ALOX5: variants seen among roughly 807,000 people sequenced by gnomAD.
ALOX5 encodes the protein polyunsaturated fatty acid 5-lipoxygenase.
In ALOX5, 64 loss-of-function variants were observed where a neutral mutation model predicts 87.9. That is an observed-to-expected ratio of 0.73 (90% CI 0.60 to 0.90). The LOEUF (loss-of-function observed/expected upper bound fraction) is 0.90, where lower values mean the gene tolerates loss of function less well. Among genes scored for constraint, ALOX5 ranks in the 40% least tolerant of loss-of-function variants. ALOX5 has a pLI of 0.00. For missense variants in ALOX5, 822 were observed against 907.5 expected (o/e 0.91, Z 1.21); for synonymous variants, 388 against 355.1 (o/e 1.09, Z -1.04).
At chr10:45,445,487 T>C in intron 13 of ALOX5, 21 bp from the exon 14 acceptor site, 1 of 1,607,926 alleles carries the variant, frequency 6.2e-7, no homozygotes, top group South Asian at 1.1e-5. Flanking sequence ...CCTATGTGTG[T>C]GTCCATGTCT....
chr10:45,441,564 C>T (rs1842236245), intron 9 of ALOX5, 134 bp downstream of exon 9: 2 of 830,758 alleles, frequency 2.4e-6, no homozygotes, highest in Non-Finnish European at 3.8e-6. Flanking sequence ...GCACTGGCTC[C>T]AGCATCCTCC....
chr10:45,388,529 C>G (rs974040357), intron 2 of ALOX5, among the ~76,000 whole-genome samples: 1 of 152,264 alleles, frequency 6.6e-6, no homozygotes, highest in Non-Finnish European at 1.5e-5. Context: ...ATTTGCTGTT[C>G]AGCAATATTC....
chr10:45,380,973 C>T (rs911054532), intron 1 of ALOX5, among the ~76,000 whole-genome samples: 25 of 152,338 alleles, frequency 1.6e-4, no homozygotes, highest in Middle Eastern at 6.8e-3. Flanking sequence ...TGGAGGGCAT[C>T]GAGTCCGGGG....
Position 45,428,754 on chromosome 10 carries a change from TTGCCATCCAGGTAGGC to T in ALOX5, c.975_981+9del. On this transcript the variant is annotated splice_donor_variant and splice_donor_5th_base_variant and coding_sequence_variant and intron_variant, in exon 7 of 14. Coordinates refer to ENST00000374391, the MANE Select transcript of ALOX5 (RefSeq NM_000698.5). LOFTEE classifies it high-confidence loss of function. ...AACCTGGCCAACAAGATTGTCCCCA[TTGCCATCCAGGTAGGC>T]TGCTGGGGGGCACACCTTTCTGAGC... is the stretch of plus-strand genomic sequence containing the variant. The T allele has an allele frequency of 6.2e-7, 1 of 1,613,914 alleles. No individual in the cohort carries two copies.
At chr10:45,383,400 C>T (rs1839909112) in intron 2 of ALOX5, among the ~76,000 whole-genome samples, 1 of 152,260 alleles carries the variant, frequency 6.6e-6, no homozygotes, top group African/African-American at 2.4e-5. Flanking sequence ...AACCACCTTG[C>T]ATACCCAGCC....
intron 7 of ALOX5, among the ~76,000 whole-genome samples, chr10:45,431,548 G>GTTATTTATTTAT (rs34431757): frequency 4.0e-5 from 6 of 148,456 alleles, no homozygotes; most frequent in Non-Finnish European, 8.9e-5. Flanking sequence ...AAACTATAAA[G>GTTATTTATTTAT]TTATTTATTT....
chr10:45,389,424 T>G (rs1236867560), intron 2 of ALOX5, among the ~76,000 whole-genome samples: 1 of 151,866 alleles, frequency 6.6e-6, no homozygotes, highest in Admixed American at 6.6e-5. Context: ...AAGGAAAAGA[T>G]GTTAAGGGCA....
At chr10:45,396,082 A>T (rs1208455343) in intron 3 of ALOX5, 146 bp downstream of exon 3, 2 of 710,414 alleles carry the variant, frequency 2.8e-6, no homozygotes, top group Non-Finnish European at 4.8e-6. Context: ...TGGGTGCACA[A>T]TCCCCAAACT....
At chr10:45,394,275 G>T (rs1167981739) in intron 2 of ALOX5, among the ~76,000 whole-genome samples, 1 of 152,182 alleles carries the variant, frequency 6.6e-6, no homozygotes, top group Non-Finnish European at 1.5e-5. Flanking sequence ...CAATGGAACA[G>T]AACAGAGCCC....
chr10:45,413,571 T>C (rs373664421), intron 4 of ALOX5, among the ~76,000 whole-genome samples: 1 of 152,252 alleles, frequency 6.6e-6, no homozygotes, highest in South Asian at 2.1e-4. Context: ...CTATTCAACA[T>C]AGTGTTGGAA....
chr10:45,389,314 C>A (rs954389246), intron 2 of ALOX5, among the ~76,000 whole-genome samples: 1 of 152,030 alleles, frequency 6.6e-6, no homozygotes, highest in African/African-American at 2.4e-5. Flanking sequence ...CAAGGCAGGC[C>A]AACATTCAAA....
Position 45,445,526 on chromosome 10 carries a change from C to G in ALOX5, c.1864C>G (p.Pro622Ala). ...QENELFLGMY[P>A]EEHFIEKPVK... ...CCCTCAGCTGTTCCTGGGCATGTAC[C>G]CAGAAGAGCATTTTATCGAGAAGCC... Residue 622 changes from proline (P) to alanine (A), a missense_variant, in exon 14 of 14, where the codon CCA becomes GCA. By Grantham distance (27) the Pro-to-Ala change is conservative (BLOSUM62 -1). Transcript: ENST00000374391. The G allele has an allele frequency of 6.2e-7, 1 of 1,613,984 alleles. No individual in the cohort carries two copies. The highest frequency in any genetic ancestry group is 1.3e-5 in the African/African-American group (1 of 75,026).
chr10:45,416,917 TAGAC>T (rs1841312412), intron 4 of ALOX5, among the ~76,000 whole-genome samples: 1 of 151,468 alleles, frequency 6.6e-6, no homozygotes, highest in Non-Finnish European at 1.5e-5. Flanking sequence ...GATGGAAGTA[TAGAC>T]AGAGAGATGG....
chr10:45,380,564 C>G (rs139607399), intron 1 of ALOX5, among the ~76,000 whole-genome samples: 65 of 152,322 alleles, frequency 4.3e-4, no homozygotes, highest in South Asian at 1.2e-3. Context: ...TACCCCTCGC[C>G]CCTTCCACTT....
At chr10:45,441,482 C>A (rs1346990575) in intron 9 of ALOX5, 52 bp downstream of exon 9, 1 of 1,549,106 alleles carries the variant, frequency 6.5e-7, no homozygotes, top group South Asian at 1.1e-5. Context: ...GCCTGGCCGC[C>A]TTCACTCCCT....
intron 2 of ALOX5, among the ~76,000 whole-genome samples, chr10:45,395,535 A>G (rs993965131): frequency 1.3e-5 from 2 of 152,140 alleles, no homozygotes; most frequent in Admixed American, 6.5e-5. Context: ...CAGCACACCA[A>G]CATGACACAT....
In ALOX5 at chr10:45,374,265, C is replaced by G. The variant is rs4987106; in HGVS notation, c.-15C>G. On this transcript the variant is annotated 5_prime_UTR_variant, in exon 1 of 14. Coordinates refer to ENST00000374391, the MANE Select transcript of ALOX5 (RefSeq NM_000698.5). ...GCCGAGGCTCCCGGCGCTCGCTGCT[C>G]CCGCGGCCCGCGCCATGCCCTCCTA... is the stretch of plus-strand genomic sequence containing the variant. The G allele has an allele frequency of 0.16, 238,449 of 1,462,444 alleles. 20,112 individuals carry two copies. The highest frequency in any genetic ancestry group is 0.19 in the South Asian group (14,407 of 74,990). The allele number at this position is 1,462,444 out of a possible 1,614,324, so 90.6% of individuals were successfully genotyped here. A position where few individuals can be genotyped will look rare whatever the true frequency, so the allele number is the denominator to read the frequency against.
intron 2 of ALOX5, among the ~76,000 whole-genome samples, chr10:45,387,940 G>A (rs972223167): frequency 3.7e-4 from 56 of 152,344 alleles, no homozygotes; most frequent in African/African-American, 1.2e-3. Flanking sequence ...ACTGGGGATT[G>A]TTGGACAGTG....
intron 2 of ALOX5, 26 bp from the exon 3 acceptor site, chr10:45,395,829 C>A: frequency 6.2e-7 from 1 of 1,606,424 alleles, no homozygotes; most frequent in Non-Finnish European, 8.5e-7. Context: ...TCCTCAGGCT[C>A]CTCTCATGTT....
Sources: gnomAD v4.1 joint callset for allele counts (sites outside exome capture counted in the v4.1 genomes callset) on GRCh38, gnomAD v4.1.1 for gene constraint, MANE v1.5 for transcripts, NCBI Gene and HGNC (gene_info 2026-07-23, HGNC 2026-07-21) for gene names.